Variants in CTNND1 observed in about 807,000 individuals in gnomAD.
The protein encoded by CTNND1 is catenin delta 1, also known as catenin delta-1.
A neutral mutation model predicts 112.1 loss-of-function variants in CTNND1; 16 were observed. The ratio of observed to expected loss-of-function variants is 0.14; its 90% CI spans 0.10 to 0.22. The LOEUF (loss-of-function observed/expected upper bound fraction) is 0.22, where lower values mean the gene tolerates loss of function less well. CTNND1 is among the 10% of genes least tolerant of loss of function. The pLI, the probability that CTNND1 is intolerant of heterozygous loss-of-function variation, is 1.00. For missense variants in CTNND1, 1,008 were observed against 1,257.0 expected, an observed-to-expected ratio of 0.80 and a Z score of 3.00; for synonymous variants, 420 against 446.5, an observed-to-expected ratio of 0.94 and a Z score of 0.75.
At chr11:57,803,313 C>A (rs1051264263) in intron 7 of CTNND1, among the ~76,000 whole-genome samples, 24 of 152,340 alleles carry the variant, frequency 1.6e-4, no homozygotes, top group African/African-American at 5.3e-4. Flanking sequence ...TGGTCTTGAT[C>A]TCCCAACCTT....
At chr11:57,794,420 CGGTATCT>C (rs1325262647) in intron 4 of CTNND1, among the ~76,000 whole-genome samples, 2 of 152,134 alleles carry the variant, frequency 1.3e-5, no homozygotes, top group African/African-American at 2.4e-5. Context: ...GCCTTTTAGA[CGGTATCT>C]GAAGAGTAAC....
chr11:57,787,927 T>A (rs950528090), intron 1 of CTNND1, among the ~76,000 whole-genome samples: 1 of 152,260 alleles, frequency 6.6e-6, no homozygotes, highest in African/African-American at 2.4e-5. Context: ...CTAACCTTCT[T>A]CACTGAATTT....
intron 1 of CTNND1, among the ~76,000 whole-genome samples, chr11:57,778,189 C>G (rs1443920331): frequency 6.6e-6 from 1 of 151,710 alleles, no homozygotes; most frequent in Non-Finnish European, 1.5e-5. Flanking sequence ...TAAACTGCCT[C>G]TTTGTAGGGT....
At chr11:57,767,528 G>A (rs990655519) in intron 1 of CTNND1, among the ~76,000 whole-genome samples, 1 of 152,060 alleles carries the variant, frequency 6.6e-6, no homozygotes, top group Non-Finnish European at 1.5e-5. Context: ...TCCAATCTGA[G>A]ACTTCCATAA....
At chr11:57,810,824 T>G (rs1182753157) in intron 16 of CTNND1, among the ~76,000 whole-genome samples, 1 of 151,750 alleles carries the variant, frequency 6.6e-6, no homozygotes, top group Non-Finnish European at 1.5e-5. Context: ...AGGCGTGGTG[T>G]TGTTTGCCAG....
chr11:57,807,856 A>G (rs1256937986), intron 12 of CTNND1, among the ~76,000 whole-genome samples: 5 of 152,118 alleles, frequency 3.3e-5, no homozygotes, highest in South Asian at 2.1e-4. Context: ...AATGAGCTAA[A>G]TGGAGCCCCT....
Position 57,804,785 on chromosome 11 carries a change from GT to G in CTNND1, c.1722+6del. On this transcript the variant is annotated splice_donor_region_variant and intron_variant, in intron 9 of 20. Coordinates refer to ENST00000399050, the MANE Select transcript of CTNND1 (RefSeq NM_001085458.2). Reference sequence around the variant, plus strand: ...CAGAAGGATTCAGACAGCAAGGTAAGTGCTGTCTTACCTTTAATGGCTGAGT... The same window carrying G: ...CAGAAGGATTCAGACAGCAAGGTAAGGCTGTCTTACCTTTAATGGCTGAGT... 6.3e-7 allele frequency: 1 copy of G among 1,599,906 alleles called. No homozygotes were observed. The highest frequency in any genetic ancestry group is 1.3e-5 in the African/African-American group (1 of 74,796).
At chr11:57,767,917 TCTGCCTCCCGGGTTCAAGCAATTCTC>T (rs1951520860) in intron 1 of CTNND1, among the ~76,000 whole-genome samples, 1 of 150,732 alleles carries the variant, frequency 6.6e-6, no homozygotes, top group Admixed American at 6.7e-5. Flanking sequence ...TGCTGCAACC[TCTGCCTCCCGGGTTCAAGCAATTCTC>T]CTGCCTCAGC....
intron 15 of CTNND1, 73 bp downstream of exon 15, chr11:57,809,539 T>A: frequency 7.3e-7 from 1 of 1,368,212 alleles, no homozygotes; most frequent in South Asian, 1.4e-5. Context: ...TTTTGGTTAC[T>A]AAGAAAGGAA....
chr11:57,799,622 C>T (rs2061755235), intron 6 of CTNND1, among the ~76,000 whole-genome samples: 1 of 152,180 alleles, frequency 6.6e-6, no homozygotes, highest in African/African-American at 2.4e-5. Flanking sequence ...GTCATTTGGT[C>T]TTCCCAGGCA....
intron 1 of CTNND1, among the ~76,000 whole-genome samples, chr11:57,776,371 A>C (rs1435444920): frequency 6.6e-5 from 10 of 151,876 alleles, no homozygotes; most frequent in Non-Finnish European, 4.4e-5. Flanking sequence ...AGTCTCAGCA[A>C]CTCTTATGTA....
At chr11:57,769,923 C>CAA (rs35954185) in intron 1 of CTNND1, among the ~76,000 whole-genome samples, 5 of 148,704 alleles carry the variant, frequency 3.4e-5, no homozygotes, top group African/African-American at 1.2e-4. Flanking sequence ...GACAGTTGAG[C>CAA]AAAAAAAAAA....
chr11:57,776,613 A>G (rs1954290087), intron 1 of CTNND1, among the ~76,000 whole-genome samples: 1 of 152,150 alleles, frequency 6.6e-6, no homozygotes, highest in Non-Finnish European at 1.5e-5. Flanking sequence ...CTTTCTTCAT[A>G]TCCATTCATT....
Position 57,810,214 on chromosome 11 carries a change from A to C in CTNND1, c.2541A>C (p.Ser847=), listed in dbSNP as rs1324725378. 6.2e-7 allele frequency: 1 copy of C among 1,608,236 alleles called. No homozygotes were observed. Among genetic ancestry groups the C allele is most frequent in the Admixed American group, 1.7e-5 (1 of 58,954 alleles). Residue 847 remains serine (S), a synonymous_variant, in exon 16 of 21, where the codon TCA becomes TCC. Transcript: ENST00000399050. ...KPLEKEGWKK[S]DFQVNLNNAS... ...TGGAAAAAGAAGGATGGAAGAAATC[A>C]GACTTTCAGGTATAGTAACTTTTGA...
intron 1 of CTNND1, among the ~76,000 whole-genome samples, chr11:57,787,744 T>G (rs915919527): frequency 2.0e-5 from 3 of 152,226 alleles, no homozygotes; most frequent in Admixed American, 2.0e-4. Flanking sequence ...AGGCAGAATA[T>G]CTCCCCATGC....
At chr11:57,803,895 C>T (rs1233726666) in intron 8 of CTNND1, 91 bp downstream of exon 8, 7 of 1,060,430 alleles carry the variant, frequency 6.6e-6, no homozygotes, top group African/African-American at 1.6e-5. Context: ...ATTCTTTAGC[C>T]TATTCTTTAG....
intron 1 of CTNND1, among the ~76,000 whole-genome samples, chr11:57,782,328 T>G (rs1253222939): frequency 6.6e-6 from 1 of 152,168 alleles, no homozygotes; most frequent in Non-Finnish European, 1.5e-5. Context: ...TTTTTCCTCA[T>G]GAAAATAAGA....
At chr11:57,787,257 C>CT (rs1307356058) in intron 1 of CTNND1, among the ~76,000 whole-genome samples, 1 of 152,138 alleles carries the variant, frequency 6.6e-6, no homozygotes, top group Non-Finnish European at 1.5e-5. Context: ...GAGAAGTGTC[C>CT]TTTGTCCCAG....
rs1189659615 is a variant in CTNND1, at chr11:57,788,236, G to A, written c.-213-801G>A. Among the ~76,000 whole-genome samples the A allele has an allele frequency of 6.6e-6, 1 of 152,114 alleles. No homozygotes were observed. The highest frequency in any genetic ancestry group is 1.5e-5 in the Non-Finnish European group (1 of 68,016). On this transcript the variant is annotated intron_variant, in intron 1 of 20. Transcript: ENST00000399050. The surrounding 1 kb of genome is among the most constrained non-coding windows in gnomAD (Gnocchi z 4.1). ...GAGCACCTTTTTTTTTAAAATAAGG[G>A]TGCTTATTCAAGAAAGACCTTTGAG... is the stretch of plus-strand genomic sequence containing the variant.
Sources: gnomAD v4.1 joint callset for allele counts (sites outside exome capture counted in the v4.1 genomes callset) on GRCh38, gnomAD v4.1.1 for gene constraint, Gnocchi (gnomAD v3.1) non-coding constraint, MANE v1.5 for transcripts, NCBI Gene and HGNC (gene_info 2026-07-23, HGNC 2026-07-21) for gene names.